FAM228B: variants seen among roughly 807,000 people sequenced by gnomAD.
FAM228B encodes family with sequence similarity 228 member B.
FAM228B carries 38 observed loss-of-function variants against 42.6 expected under a neutral mutation model. The observed-to-expected ratio is 0.89, with a 90% CI of 0.69 to 1.17. FAM228B has a LOEUF of 1.17. Ranked by LOEUF, FAM228B falls within the 50% of genes most tolerant of loss-of-function variation. The probability of loss-of-function intolerance (pLI) is 0.00; values close to 1 mark genes in which losing one functional copy is unlikely to be tolerated. For missense variants in FAM228B, 344 were observed against 367.3 expected (o/e 0.94, Z 0.52); for synonymous variants, 109 against 122.3 (o/e 0.89, Z 0.72).
chr2:24,103,241 G>A (rs559787442), intron 3 of FAM228B, among the ~76,000 whole-genome samples: 229 of 152,338 alleles, frequency 1.5e-3, no homozygotes, highest in Non-Finnish European at 1.7e-3. Context: ...TGTATACTGG[G>A]TGAAGGGAGG....
intron 7 of FAM228B, among the ~76,000 whole-genome samples, chr2:24,150,126 A>AG (rs36015603): frequency 0.86 from 130,420 of 152,108 alleles, 57,380 homozygotes; most frequent in South Asian, 0.95. Context: ...AGATAAGAGT[A>AG]TTTGCACACC....
At chr2:24,166,296 G>A (rs1667412443) in intron 9 of FAM228B, 1 of 151,798 alleles carries the variant, frequency 6.6e-6, no homozygotes, top group South Asian at 2.1e-4. Context: ...CCCACTCCCA[G>A]TTAGAAATCA....
chr2:24,089,616 C>T (rs921703743), intron 2 of FAM228B, among the ~76,000 whole-genome samples: 1 of 152,070 alleles, frequency 6.6e-6, no homozygotes, highest in East Asian at 1.9e-4. Context: ...TTCAGCTTGT[C>T]CCTGAGTGAG....
At chr2:24,110,808 G>A (rs992169156) in intron 3 of FAM228B, among the ~76,000 whole-genome samples, 7 of 152,192 alleles carry the variant, frequency 4.6e-5, no homozygotes, top group African/African-American at 1.7e-4. Flanking sequence ...AGTGTGGGTA[G>A]TGCGGGTAGC....
chr2:24,141,324 A>G, intron 5 of FAM228B, among the ~76,000 whole-genome samples: 1 of 152,022 alleles, frequency 6.6e-6, no homozygotes, highest in African/African-American at 2.4e-5. Context: ...GCTTACTGCA[A>G]CCTCCGCCTC....
intron 2 of FAM228B, among the ~76,000 whole-genome samples, chr2:24,094,815 G>A (rs752497985): frequency 3.9e-5 from 6 of 152,266 alleles, no homozygotes; most frequent in South Asian, 2.1e-4. Context: ...CAATTGGGCC[G>A]GGTGCGGTGA....
chr2:24,125,579 T>A (rs1341125096), intron 2 of FAM228B, among the ~76,000 whole-genome samples: 1 of 152,128 alleles, frequency 6.6e-6, no homozygotes, highest in African/African-American at 2.4e-5. Context: ...TTTCTTTTTC[T>A]TTTCTTTCTT....
chr2:24,125,252 A>G (rs1666279981), intron 2 of FAM228B, among the ~76,000 whole-genome samples: 1 of 152,064 alleles, frequency 6.6e-6, no homozygotes, highest in Non-Finnish European at 1.5e-5. Flanking sequence ...GTGTGGTAGC[A>G]TACACCTATA....
Position 24,084,417 on chromosome 2 carries a change from AG to A in FAM228B, c.-210+3466del. ...AGGGCAGGGCAGGACAGGACAGGGCAGGGGCCGCTGTATCCTCGCGGAGCAG... is the reference window on the plus strand; with the variant it reads ...AGGGCAGGGCAGGACAGGACAGGGCAGGGCCGCTGTATCCTCGCGGAGCAG... On this transcript the variant is annotated intron_variant, in intron 2 of 10. Coordinates refer to the FAM228B transcript ENST00000613899. The surrounding 1 kb of genome is among the most constrained non-coding windows in gnomAD (Gnocchi z 8.4). 109 of 1,420,734 alleles carry A rather than the reference AG, an allele frequency of 7.7e-5. No individual in the cohort carries two copies. The highest frequency in any genetic ancestry group is 8.9e-5 in the Non-Finnish European group (96 of 1,074,304). The allele number at this position is 1,420,734 out of a possible 1,614,324, so 88.0% of individuals were successfully genotyped here.
At chr2:24,135,911 T>C (rs1666569213) in intron 3 of FAM228B, among the ~76,000 whole-genome samples, 1 of 151,578 alleles carries the variant, frequency 6.6e-6, no homozygotes, top group Non-Finnish European at 1.5e-5. Flanking sequence ...TGGATTAGGT[T>C]ATGCCACACT....
rs1006497120 is a variant in FAM228B at position 24,080,398 on chromosome 2, T to C, written c.-289-478T>C. Among the ~76,000 whole-genome samples the C allele has an allele frequency of 9.9e-5, 15 of 151,404 alleles. No homozygotes were observed. Among genetic ancestry groups the C allele is most frequent in the African/African-American group, 3.6e-4 (15 of 41,198 alleles). On this transcript the variant is annotated intron_variant, in intron 1 of 10. Transcript: ENST00000613899. The surrounding 1 kb of genome is among the most constrained non-coding windows in gnomAD (Gnocchi z 4.7). ...GAAACGGAAAGGGATGAGCCAAAAA[T>C]AGACACGTCTGGCTTTGGAATACAG...
chr2:24,123,690 G>T (rs1666210406), intron 1 of FAM228B, among the ~76,000 whole-genome samples, 157 bp downstream of exon 1: 1 of 151,548 alleles, frequency 6.6e-6, no homozygotes, highest in African/African-American at 2.4e-5. Flanking sequence ...GTCGCGGCCG[G>T]CGACCTCCCC....
At chr2:24,099,163 C>A (rs540689115) in intron 3 of FAM228B, among the ~76,000 whole-genome samples, 42,684 of 151,826 alleles carry the variant, frequency 0.28, 6,428 homozygotes, top group South Asian at 0.39. Flanking sequence ...ATGACAACCC[C>A]CAGCCAATAT....
At chr2:24,093,782 A>G (rs1193676849) in intron 2 of FAM228B, among the ~76,000 whole-genome samples, 2 of 151,766 alleles carry the variant, frequency 1.3e-5, no homozygotes, top group African/African-American at 2.4e-5. Context: ...TAGCCTGGCT[A>G]ATTTTTTTTG....
At position 24,086,540 on chromosome 2, in the gene FAM228B, CT is replaced by C. The variant is rs966997935; in HGVS notation, c.-210+5591del. Among the ~76,000 whole-genome samples the C allele has an allele frequency of 4.7e-5, 7 of 147,628 alleles. No homozygotes were observed. The East Asian group carries it at 1.5e-3, about 31-fold the overall frequency. On this transcript the variant is annotated intron_variant, in intron 2 of 10. Transcript: ENST00000613899. ...CCCCACCCCCTCTTTCTCTCTCTCT[CT>C]TTTTTGTAGTGTAGGGGTCTCATTA...
intron 7 of FAM228B, among the ~76,000 whole-genome samples, chr2:24,154,979 C>T (rs754765006): frequency 4.6e-5 from 7 of 152,108 alleles, no homozygotes; most frequent in Non-Finnish European, 7.4e-5. Flanking sequence ...AACAGAATTT[C>T]GAAACAATGG....
chr2:24,121,136 A>T (rs768465074), upstream of FAM228B: 1 of 1,612,784 alleles, frequency 6.2e-7, no homozygotes, highest in East Asian at 2.2e-5. Flanking sequence ...TCTTTTACTC[A>T]GCTCTCTTCA....
At chr2:24,150,843 T>G (rs1333246766) in intron 7 of FAM228B, among the ~76,000 whole-genome samples, 1 of 152,186 alleles carries the variant, frequency 6.6e-6, no homozygotes, top group Non-Finnish European at 1.5e-5. Flanking sequence ...TTCCTCTTGA[T>G]GCTTTTAGGA....
intron 2 of FAM228B, among the ~76,000 whole-genome samples, chr2:24,129,129 C>G (rs1301513460): frequency 6.6e-6 from 1 of 151,808 alleles, no homozygotes; most frequent in Non-Finnish European, 1.5e-5. Context: ...TCTTGTAGCT[C>G]TCCTCCCTCT....
Sources: allele counts gnomAD v4.1 joint callset (sites outside exome capture counted in the v4.1 genomes callset), GRCh38; gene constraint gnomAD v4.1.1; non-coding constraint Gnocchi (gnomAD v3.1); transcripts MANE v1.5; gene names NCBI Gene and HGNC (gene_info 2026-07-23, HGNC 2026-07-21).